ME1: variants seen among roughly 807,000 people sequenced by gnomAD.
ME1 encodes NADP-dependent malic enzyme.
ME1 carries 74 observed loss-of-function variants against 66.4 expected under a neutral mutation model. The observed-to-expected ratio is 1.11, with a 90% confidence interval of 0.92 to 1.35. ME1 has a LOEUF of 1.35. Among genes scored for constraint, ME1 ranks in the 40% most tolerant of loss-of-function variants. The probability of loss-of-function intolerance (pLI) is 0.00; values close to 1 mark genes in which losing one functional copy is unlikely to be tolerated. For missense variants in ME1, 750 were observed against 694.1 expected (o/e 1.08, Z -0.90); for synonymous variants, 251 against 235.6 (o/e 1.07, Z -0.60).
chr6:83,319,737 G>A (rs184428874), intron 5 of ME1, among the ~76,000 whole-genome samples: 8 of 152,282 alleles, frequency 5.3e-5, no homozygotes, highest in Admixed American at 4.6e-4. Context: ...GAAACTTAAT[G>A]GGCCCTATTC....
chr6:83,351,158 G>A (rs1031926630), intron 4 of ME1, among the ~76,000 whole-genome samples: 1 of 152,082 alleles, frequency 6.6e-6, no homozygotes, highest in Non-Finnish European at 1.5e-5. Context: ...ACTTTGGGAA[G>A]CTCAGGCAGG....
intron 9 of ME1, among the ~76,000 whole-genome samples, chr6:83,235,365 T>C (rs1321033704): frequency 3.3e-5 from 5 of 152,132 alleles, no homozygotes; most frequent in Admixed American, 2.6e-4. Context: ...ACCCGATCCA[T>C]AGGTGGTTTT....
intron 7 of ME1, among the ~76,000 whole-genome samples, chr6:83,250,532 C>T (rs1441908112): frequency 2.4e-4 from 37 of 152,192 alleles, no homozygotes; most frequent in Admixed American, 2.4e-3. Context: ...ACTGCCCTGC[C>T]ATTCTTCTAG....
At position 83,350,510 on chromosome 6, in the gene ME1, G is replaced by C. The variant is rs538498027; in HGVS notation, c.438+1554C>G. 1.2e-4 allele frequency among the ~76,000 whole-genome samples: 19 copies of C among 152,204 alleles called. No individual in the cohort carries two copies. In the South Asian group the frequency reaches 4.0e-3, roughly 32 times the overall value. On this transcript the variant is annotated intron_variant, in intron 4 of 13. Transcript: ENST00000369705. Reference sequence around the variant, plus strand: ...AGACAGGGTCTCACTCTGTTGCCCAGGCTAGAGTGTAGTGGTGTGATCATA... The same window carrying C: ...AGACAGGGTCTCACTCTGTTGCCCACGCTAGAGTGTAGTGGTGTGATCATA...
chr6:83,281,891 CACTG>C (rs2128533168), intron 6 of ME1, among the ~76,000 whole-genome samples: 1 of 79,608 alleles, frequency 1.3e-5, no homozygotes, highest in South Asian at 4.0e-4. Context: ...GAAAACCAAA[CACTG>C]AATGTTCTCA....
At chr6:83,269,235 AT>A (rs1187616223) in intron 6 of ME1, among the ~76,000 whole-genome samples, 2 of 151,830 alleles carry the variant, frequency 1.3e-5, no homozygotes, top group African/African-American at 4.8e-5. Flanking sequence ...TTGTTCCTCT[AT>A]CATTTATGTT....
At chr6:83,424,241 G>C (rs1770326189) in intron 1 of ME1, among the ~76,000 whole-genome samples, 1 of 152,104 alleles carries the variant, frequency 6.6e-6, no homozygotes, top group Non-Finnish European at 1.5e-5. Context: ...ATAATGGTAA[G>C]ATCTCTATAT....
At chr6:83,319,630 A>T (rs1768114929) in intron 5 of ME1, among the ~76,000 whole-genome samples, 1 of 152,212 alleles carries the variant, frequency 6.6e-6, no homozygotes, top group Non-Finnish European at 1.5e-5. Context: ...ATCATTTCTT[A>T]TGAAAGAGGA....
At chr6:83,316,285 G>A (rs1175865636) in intron 5 of ME1, among the ~76,000 whole-genome samples, 1 of 151,962 alleles carries the variant, frequency 6.6e-6, no homozygotes, top group African/African-American at 2.4e-5. Flanking sequence ...TGAGAATGTT[G>A]CCCTGTGTAA....
At chr6:83,329,552 CA>C (rs1562482772) in intron 5 of ME1, among the ~76,000 whole-genome samples, 1 of 152,054 alleles carries the variant, frequency 6.6e-6, no homozygotes, top group East Asian at 1.9e-4. Flanking sequence ...ATGAAATATA[CA>C]TATAAATATA....
chr6:83,259,876 C>A (rs1253608374), intron 6 of ME1, among the ~76,000 whole-genome samples: 1 of 152,068 alleles, frequency 6.6e-6, no homozygotes, highest in African/African-American at 2.4e-5. Context: ...CAGCCATAAT[C>A]ATCCATTCTT....
chr6:83,249,347 C>G (rs1351275813), intron 7 of ME1, among the ~76,000 whole-genome samples: 1 of 151,942 alleles, frequency 6.6e-6, no homozygotes, highest in Admixed American at 6.6e-5. Context: ...GTTCAAGGGC[C>G]TCCCAAGTAG....
chr6:83,384,527 T>A (rs1769472894), intron 3 of ME1, among the ~76,000 whole-genome samples: 1 of 151,786 alleles, frequency 6.6e-6, no homozygotes, highest in African/African-American at 2.4e-5. Context: ...GTTCCTTATA[T>A]TAATAGATTC....
intron 3 of ME1, among the ~76,000 whole-genome samples, chr6:83,359,291 A>T (rs949970614): frequency 6.6e-6 from 1 of 152,214 alleles, no homozygotes; most frequent in East Asian, 1.9e-4. Context: ...ATAACTAGAC[A>T]AAAGTCCCGG....
chr6:83,248,486 C>A (rs1221910574), intron 7 of ME1, among the ~76,000 whole-genome samples: 1 of 152,108 alleles, frequency 6.6e-6, no homozygotes, highest in Non-Finnish European at 1.5e-5. Context: ...GTATGCAATA[C>A]TGATACAGTT....
intron 3 of ME1, among the ~76,000 whole-genome samples, chr6:83,370,244 T>A (rs1247169165): frequency 6.6e-6 from 1 of 152,190 alleles, no homozygotes; most frequent in East Asian, 1.9e-4. Context: ...ACTGTAATTA[T>A]TTCAAGATAC....
chr6:83,286,352 GAA>G (rs1767396995), intron 6 of ME1, among the ~76,000 whole-genome samples: 1 of 152,082 alleles, frequency 6.6e-6, no homozygotes, highest in South Asian at 2.1e-4. Flanking sequence ...AACATTGATG[GAA>G]GAGATCAGGT....
chr6:83,324,834 G>T (rs529733712), intron 5 of ME1, among the ~76,000 whole-genome samples: 1 of 148,222 alleles, frequency 6.7e-6, no homozygotes, highest in African/African-American at 2.5e-5. Flanking sequence ...CCAAACAATA[G>T]AAAAAGAAGG....
At chr6:83,224,378 T>C (rs889265639) in intron 11 of ME1, among the ~76,000 whole-genome samples, 5 of 152,084 alleles carry the variant, frequency 3.3e-5, no homozygotes, top group Admixed American at 3.3e-4. Flanking sequence ...CATATATATT[T>C]CTATATTGTA....
Sources: allele counts gnomAD v4.1 joint callset (sites outside exome capture counted in the v4.1 genomes callset), GRCh38; gene constraint gnomAD v4.1.1; transcripts MANE v1.5; gene names NCBI Gene and HGNC (gene_info 2026-07-23, HGNC 2026-07-21).